Variants in EXD2 observed in about 807,000 individuals in gnomAD.
The protein encoded by EXD2 is exonuclease 3'-5' domain containing 2, also known as exonuclease 3'-5' domain-containing protein 2.
A neutral mutation model predicts 62.5 loss-of-function variants in EXD2; 40 were observed. The ratio of observed to expected loss-of-function variants is 0.64; its 90% CI spans 0.50 to 0.83. The LOEUF is 0.83. EXD2 is among the 40% of genes least tolerant of loss of function. The pLI, the probability that EXD2 is intolerant of heterozygous loss-of-function variation, is 0.00. For synonymous variants in EXD2, 239 were observed against 291.9 expected (o/e 0.82, Z 1.85); for missense variants, 671 against 761.8 (o/e 0.88, Z 1.40).
At chr14:69,218,993 T>C (rs2043078969) in intron 3 of EXD2, among the ~76,000 whole-genome samples, 1 of 152,228 alleles carries the variant, frequency 6.6e-6, no homozygotes, top group Non-Finnish European at 1.5e-5. Flanking sequence ...CAATGCAGGC[T>C]GTTTTTTGGT....
chr14:69,201,855 G>A (rs1344742785), intron 1 of EXD2, among the ~76,000 whole-genome samples: 1 of 151,584 alleles, frequency 6.6e-6, no homozygotes, highest in Non-Finnish European at 1.5e-5. Flanking sequence ...GCTAATTTTT[G>A]TAATCTTAGT....
chr14:69,241,232 TC>T lies in EXD2; in HGVS notation c.*135del. 2.9e-6 allele frequency: 2 copies of T among 691,764 alleles called. No individual in the cohort carries two copies. Among genetic ancestry groups the T allele is most frequent in the Non-Finnish European group, 4.7e-6 (2 of 423,016 alleles). The allele number at this position is 691,764 out of a possible 1,614,324, so 42.9% of individuals were successfully genotyped here. A position where few individuals can be genotyped will look rare whatever the true frequency, so the allele number is the denominator to read the frequency against. ...AACTCAGAATACTAACCTAGACTAA[TC>T]CCAGGATGCTTCTGCTGGAGCAAAG... is the stretch of plus-strand genomic sequence containing the variant. On this transcript the variant is annotated 3_prime_UTR_variant, in exon 10 of 10. Transcript: ENST00000685843.
At chr14:69,202,784 T>G (rs1259881342) in intron 1 of EXD2, among the ~76,000 whole-genome samples, 2 of 152,226 alleles carry the variant, frequency 1.3e-5, no homozygotes, top group Non-Finnish European at 2.9e-5. Flanking sequence ...AGATGCAGAT[T>G]GGCCTCAATA....
intron 3 of EXD2, among the ~76,000 whole-genome samples, chr14:69,216,570 G>T (rs977796580): frequency 6.6e-6 from 1 of 152,040 alleles, no homozygotes; most frequent in African/African-American, 2.4e-5. Context: ...TGGGACAATA[G>T]GTGCCTGCTA....
Position 69,243,329 on chromosome 14 carries a change from C to T in EXD2, c.*2229C>T, listed in dbSNP as rs1174876136. 1 of 152,188 alleles carries T rather than the reference C, an allele frequency of 6.6e-6. No individual in the cohort carries two copies. The highest frequency in any genetic ancestry group is 1.5e-5 in the Non-Finnish European group (1 of 68,032). The allele number at this position is 152,188 out of a possible 1,614,324, so 9.4% of individuals were successfully genotyped here. A position where few individuals can be genotyped will look rare whatever the true frequency, so the allele number is the denominator to read the frequency against. ...ACAAAGAATAAAAATTAGCCATCTT[C>T]TCTCCATCTAAAACAGAGCTAAACT... On this transcript the variant is annotated 3_prime_UTR_variant, in exon 10 of 10. Coordinates refer to ENST00000685843, the MANE Select transcript of EXD2 (RefSeq NM_001193360.2).
At chr14:69,193,809 T>A (rs2042111255) in intron 1 of EXD2, among the ~76,000 whole-genome samples, 1 of 152,044 alleles carries the variant, frequency 6.6e-6, no homozygotes, top group Admixed American at 6.5e-5. Context: ...CTCTCGGGGT[T>A]ATTTGGCAAT....
At chr14:69,196,738 C>T (rs2042217663) in intron 1 of EXD2, among the ~76,000 whole-genome samples, 1 of 151,698 alleles carries the variant, frequency 6.6e-6, no homozygotes, top group African/African-American at 2.4e-5. Flanking sequence ...ATCCTCCTGC[C>T]TCAGCCTCCC....
intron 9 of EXD2, chr14:69,239,294 C>T (rs1283339858): frequency 1.3e-5 from 2 of 152,350 alleles, no homozygotes; most frequent in African/African-American, 4.8e-5. Flanking sequence ...TGCCTCCCAA[C>T]TGTCACTTTT....
At chr14:69,236,992 G>A (rs374624552) in intron 8 of EXD2, among the ~76,000 whole-genome samples, 2 of 152,234 alleles carry the variant, frequency 1.3e-5, no homozygotes, top group Admixed American at 6.5e-5. Flanking sequence ...TGCCGACTAC[G>A]TCTGAGTGCC....
intron 3 of EXD2, among the ~76,000 whole-genome samples, chr14:69,210,887 A>C (rs2042783622): frequency 2.0e-5 from 3 of 152,226 alleles, no homozygotes; most frequent in Admixed American, 2.0e-4. Context: ...TAAAAAGTAC[A>C]TTAATTAGTT....
At chr14:69,197,839 T>A (rs144354170) in intron 1 of EXD2, among the ~76,000 whole-genome samples, 188 of 152,354 alleles carry the variant, frequency 1.2e-3, no homozygotes, top group African/African-American at 4.3e-3. Context: ...TTTTGAGTAT[T>A]TCTATAAAAC....
At chr14:69,200,648 G>A (rs923086589) in intron 1 of EXD2, among the ~76,000 whole-genome samples, 2 of 151,912 alleles carry the variant, frequency 1.3e-5, no homozygotes, top group Non-Finnish European at 2.9e-5. Flanking sequence ...GGTGGAGGTT[G>A]CAGTGAGCCA....
intron 3 of EXD2, among the ~76,000 whole-genome samples, chr14:69,220,891 T>G (rs1379270212): frequency 6.6e-6 from 1 of 151,992 alleles, no homozygotes; most frequent in African/African-American, 2.4e-5. Flanking sequence ...CAATAAGAGA[T>G]AGAGTTGTCC....
chr14:69,197,579 T>C (rs1246889727), intron 1 of EXD2, among the ~76,000 whole-genome samples: 1 of 152,172 alleles, frequency 6.6e-6, no homozygotes, highest in Non-Finnish European at 1.5e-5. Flanking sequence ...CCCCCTTCCC[T>C]GTCTTCCCCT....
chr14:69,234,992 A>C lies in EXD2; in HGVS notation c.1010A>C (p.Lys337Thr). 1.9e-6 allele frequency: 3 copies of C among 1,607,392 alleles called. No individual in the cohort carries two copies. The highest frequency in any genetic ancestry group is 1.7e-6 in the Non-Finnish European group (2 of 1,177,614). Residue 337 changes from lysine (K) to threonine (T), a missense_variant, in exon 6 of 10, where the codon AAA becomes ACA. Coordinates refer to ENST00000685843, the MANE Select transcript of EXD2 (RefSeq NM_001193360.2). The part of the protein sequence containing the change: ...PGNHQGRDPR[K>T]HKRKPLGVGY... Reference sequence around the variant, plus strand: ...AACCACCAAGGGAGAGACCCCAGAAAACATAAAAGAAAGCCTCTGGGGGTG... The same window carrying C: ...AACCACCAAGGGAGAGACCCCAGAACACATAAAAGAAAGCCTCTGGGGGTG...
In EXD2 at chr14:69,221,394, C is replaced by T. The variant is rs1441358406; in HGVS notation, c.334-7422C>T. Among the ~76,000 whole-genome samples the T allele has an allele frequency of 3.9e-5, 6 of 152,106 alleles. No individual in the cohort carries two copies. The South Asian group carries it at 1.2e-3, about 32-fold the overall frequency. The stretch of plus-strand genomic sequence containing the variant: ...ATAGTTATAGAGCTATTAATATTTT[C>T]TATTTCTTAATGTCTCAGTTTTGAT... On this transcript the variant is annotated intron_variant, in intron 3 of 9. Coordinates refer to ENST00000685843, the MANE Select transcript of EXD2 (RefSeq NM_001193360.2).
At chr14:69,201,430 C>T (rs1292679539) in intron 1 of EXD2, among the ~76,000 whole-genome samples, 4 of 152,010 alleles carry the variant, frequency 2.6e-5, no homozygotes, top group Non-Finnish European at 5.9e-5. Context: ...CTCAGGTGAT[C>T]CTCCCACCTT....
At chr14:69,231,454 A>G (rs757078718) in intron 5 of EXD2, among the ~76,000 whole-genome samples, 2 of 152,118 alleles carry the variant, frequency 1.3e-5, no homozygotes, top group Non-Finnish European at 2.9e-5. Flanking sequence ...ATTTAGGTAA[A>G]TCATCATTTT....
In EXD2 at chr14:69,236,113, A is replaced by G; in HGVS notation, c.1117A>G (p.Arg373Gly). ...PDGQPLCTCDRRKAQWYLDKG... is the reference protein window; with the variant it reads ...PDGQPLCTCDGRKAQWYLDKG... Reference sequence around the variant, plus strand: ...TGGACAGCCCCTCTGCACTTGTGATAGAAGAAAAGCTCAGTGGTACCTGGA... The same window carrying G: ...TGGACAGCCCCTCTGCACTTGTGATGGAAGAAAAGCTCAGTGGTACCTGGA... The change falls in exon 7 of 10, where the codon AGA (arginine) becomes GGA (glycine). Residue 373 changes from arginine (R) to glycine (G), a missense_variant. Coordinates refer to ENST00000685843, the MANE Select transcript of EXD2 (RefSeq NM_001193360.2). The G allele has an allele frequency of 6.2e-7, 1 of 1,614,218 alleles. No individual in the cohort carries two copies. Among genetic ancestry groups the G allele is most frequent in the South Asian group, 1.1e-5 (1 of 91,084 alleles).
Sources: allele counts gnomAD v4.1 joint callset (sites outside exome capture counted in the v4.1 genomes callset), GRCh38; gene constraint gnomAD v4.1.1; transcripts MANE v1.5; gene names NCBI Gene and HGNC (gene_info 2026-07-23, HGNC 2026-07-21).